Variants in GALNS observed in about 807,000 individuals in gnomAD.
GALNS encodes the protein N-acetylgalactosamine-6-sulfatase.
GALNS carries 65 observed loss-of-function variants against 65.9 expected under a neutral mutation model. The ratio of observed to expected loss-of-function variants is 0.99; its 90% CI spans 0.81 to 1.21. The LOEUF is 1.21. Ranked by LOEUF, GALNS falls within the 50% of genes most tolerant of loss-of-function variation. GALNS has a pLI of 0.00. For synonymous variants in GALNS, 346 were observed against 288.9 expected, an observed-to-expected ratio of 1.20 and a Z score of -2.00; for missense variants, 776 against 700.7, an observed-to-expected ratio of 1.11 and a Z score of -1.21.
At chr16:88,816,349 G>A in intron 13 of GALNS, 2 of 985,436 alleles carry the variant, frequency 2.0e-6, no homozygotes, top group Non-Finnish European at 2.4e-6. Flanking sequence ...GAAGGCCAGG[G>A]CTCCTCCACG....
chr16:88,835,078 C>G (rs1911969610), intron 8 of GALNS, 135 bp downstream of exon 8: 1 of 1,166,494 alleles, frequency 8.6e-7, no homozygotes, highest in Non-Finnish European at 1.2e-6. Flanking sequence ...TCGGTGACAT[C>G]TGCTCCTCCC....
At position 88,841,039 on chromosome 16, in the gene GALNS, C is replaced by T. The variant is rs1395097829; in HGVS notation, c.375G>A (p.Pro125=). 6.8e-6 allele frequency: 11 copies of T among 1,613,124 alleles called. No individual in the cohort carries two copies. The highest frequency in any genetic ancestry group is 3.3e-5 in the Admixed American group (2 of 60,006). ...CGTAGCCGGCCTTCTTCAGAAGCTC[C>T]GGCAGGAGCTGCTCCGAGTCTGGGA... ...GGIPDSEQLL[P]ELLKKAGYVS... The change falls in exon 4 of 14, where the codon CCG becomes CCA. Residue 125 remains proline, a synonymous_variant. Transcript: ENST00000268695.
intron 2 of GALNS, chr16:88,842,289 C>A: frequency 1.9e-6 from 1 of 532,488 alleles, no homozygotes; most frequent in Non-Finnish European, 3.4e-6. Flanking sequence ...GCACCAGCCC[C>A]GTGCCCTGCC....
intron 1 of GALNS, among the ~76,000 whole-genome samples, chr16:88,848,037 C>A (rs1001491302): frequency 1.3e-5 from 2 of 152,230 alleles, no homozygotes; most frequent in Non-Finnish European, 2.9e-5. Flanking sequence ...AGTCCTCACA[C>A]AGGCTGTGTG....
intron 9 of GALNS, among the ~76,000 whole-genome samples, chr16:88,827,320 C>T (rs1237650015): frequency 1.3e-5 from 2 of 152,178 alleles, no homozygotes; most frequent in Non-Finnish European, 2.9e-5. Context: ...ACCCAGAGAG[C>T]TCCAGGACAG....
chr16:88,855,489 T>C (rs887988712), intron 1 of GALNS: 55 of 702,708 alleles, frequency 7.8e-5, no homozygotes, highest in Non-Finnish European at 1.3e-4. Context: ...CACGGACCCC[T>C]GGGCGCTGGA....
intron 11 of GALNS, among the ~76,000 whole-genome samples, chr16:88,824,475 T>C (rs1910592300): frequency 6.6e-6 from 1 of 152,076 alleles, no homozygotes; most frequent in East Asian, 1.9e-4. Context: ...CCTGGCAGGA[T>C]GGAGAGGCCC....
intron 1 of GALNS, among the ~76,000 whole-genome samples, chr16:88,850,288 G>A (rs951459208): frequency 1.3e-5 from 2 of 152,132 alleles, no homozygotes; most frequent in Non-Finnish European, 2.9e-5. Flanking sequence ...CCATGTGCCC[G>A]ACCCTCCCTG....
At chr16:88,828,251 C>G (rs757967266) in intron 9 of GALNS, among the ~76,000 whole-genome samples, 1 of 108,130 alleles carries the variant, frequency 9.2e-6, no homozygotes, top group Non-Finnish European at 1.7e-5. Context: ...AAAATAACTG[C>G]GGAGCAGTGC....
intron 5 of GALNS, 147 bp from the exon 6 acceptor site, chr16:88,836,414 G>C: frequency 1.4e-6 from 1 of 726,386 alleles, no homozygotes; most frequent in Non-Finnish European, 2.4e-6. Flanking sequence ...CCAGCATTTT[G>C]GGAGGCTGAG....
intron 1 of GALNS, chr16:88,855,063 GGGT>G: frequency 5.0e-6 from 2 of 398,826 alleles, no homozygotes; most frequent in South Asian, 3.8e-5. Flanking sequence ...TGGAAACGTA[GGGT>G]GAGTCCACAT....
intron 4 of GALNS, 168 bp from the exon 5 acceptor site, chr16:88,837,933 C>T (rs890178407): frequency 7.4e-6 from 5 of 675,252 alleles, no homozygotes; most frequent in Non-Finnish European, 1.0e-5. Flanking sequence ...AAGGCCTCAC[C>T]CGAGGAGGGT....
chr16:88,825,221 T>TGGGTGTCTGGGGCTG (rs1188814077), intron 10 of GALNS, among the ~76,000 whole-genome samples: 3 of 80,414 alleles, frequency 3.7e-5, no homozygotes, highest in African/African-American at 2.2e-4. Context: ...CTGGGGCGCC[T>TGGGTGTCTGGGGCTG]GGGTGTCTGG....
intron 1 of GALNS, among the ~76,000 whole-genome samples, chr16:88,848,908 T>C (rs1439013559): frequency 1.3e-5 from 2 of 152,186 alleles, no homozygotes; most frequent in African/African-American, 4.8e-5. Context: ...TTTGTCTGGA[T>C]GCAATGATCC....
At chr16:88,815,767 T>C (rs558802040) in intron 13 of GALNS, 15 of 985,434 alleles carry the variant, frequency 1.5e-5, no homozygotes, top group Middle Eastern at 5.2e-4. Flanking sequence ...CCCTGCCCCC[T>C]TGGCCACCAG....
intron 10 of GALNS, among the ~76,000 whole-genome samples, chr16:88,825,311 C>T (rs1186278036): frequency 3.5e-4 from 23 of 65,432 alleles, no homozygotes; most frequent in Admixed American, 5.5e-4. Context: ...GTGGCCGGGG[C>T]GACTGGGTAT....
At chr16:88,829,821 C>G (rs1377572312) in intron 9 of GALNS, among the ~76,000 whole-genome samples, 1 of 152,228 alleles carries the variant, frequency 6.6e-6, no homozygotes, top group East Asian at 1.9e-4. Flanking sequence ...GGCGCGCGAC[C>G]AGGCCAGGCA....
At chr16:88,854,072 G>T (rs542050596) in intron 1 of GALNS, among the ~76,000 whole-genome samples, 2 of 152,376 alleles carry the variant, frequency 1.3e-5, no homozygotes, top group African/African-American at 4.8e-5. Context: ...CAGCCACAGA[G>T]GACTGGATAG....
chr16:88,816,250 G>A lies in GALNS; in HGVS notation c.1483-1725C>T, dbSNP rs1909611379. On this transcript the variant is annotated intron_variant, in intron 13 of 13. Transcript: ENST00000268695. ...CTGCCCTGTGCCCACTGTCTCCATG[G>A]CAGGTGTGGCCTGCGCCCGTGGAGC... The A allele has an allele frequency of 5.1e-6, 5 of 985,434 alleles. No individual in the cohort carries two copies. In the South Asian group the frequency reaches 1.9e-4, roughly 37 times the overall value. 61.0% of individuals were successfully genotyped at this position (985,434 alleles called of 1,614,324 possible).
Sources: allele counts gnomAD v4.1 joint callset (sites outside exome capture counted in the v4.1 genomes callset), GRCh38; gene constraint gnomAD v4.1.1; transcripts MANE v1.5; gene names NCBI Gene and HGNC (gene_info 2026-07-23, HGNC 2026-07-21).